The following TENM4 variants were observed in gnomAD, a reference collection of about 807,000 sequenced individuals.
The protein encoded by TENM4 is teneurin transmembrane protein 4.
A neutral mutation model predicts 243.3 loss-of-function variants in TENM4; 82 were observed. That is an observed-to-expected ratio of 0.34 (90% CI 0.28 to 0.40). TENM4 has a LOEUF of 0.40. Among genes scored for constraint, TENM4 ranks in the 10% least tolerant of loss-of-function variants. The pLI, the probability that TENM4 is intolerant of heterozygous loss-of-function variation, is 1.00. For missense variants in TENM4, 3,138 were observed against 3,673.3 expected (o/e 0.85, Z 3.77); for synonymous variants, 1,412 against 1,456.3 (o/e 0.97, Z 0.69).
chr11:79,283,482 G>A (rs1856195177), intron 2 of TENM4, among the ~76,000 whole-genome samples: 2 of 152,002 alleles, frequency 1.3e-5, no homozygotes, highest in South Asian at 4.1e-4. Context: ...TATGTCATTA[G>A]ACATGGAAAA....
chr11:78,713,234 C>T (rs948612912), intron 25 of TENM4, among the ~76,000 whole-genome samples: 1 of 152,214 alleles, frequency 6.6e-6, no homozygotes, highest in Admixed American at 6.5e-5. Context: ...TCCCGGTCAG[C>T]AGCATCAACA....
chr11:78,785,528 C>T (rs544550047), intron 16 of TENM4, among the ~76,000 whole-genome samples: 7 of 152,140 alleles, frequency 4.6e-5, no homozygotes, highest in South Asian at 2.1e-4. Flanking sequence ...TTTGAAGTTC[C>T]GTGACCTTAA....
intron 9 of TENM4, among the ~76,000 whole-genome samples, chr11:78,878,172 T>C (rs534182986): frequency 1.3e-5 from 2 of 152,326 alleles, no homozygotes; most frequent in South Asian, 2.1e-4. Context: ...TTCTCCCCTC[T>C]CCATGCCTTG....
At chr11:79,241,586 C>A (rs377481363) in intron 2 of TENM4, among the ~76,000 whole-genome samples, 1 of 152,152 alleles carries the variant, frequency 6.6e-6, no homozygotes, top group Non-Finnish European at 1.5e-5. Flanking sequence ...ATCACAGAGT[C>A]GTCATGGGAA....
chr11:78,669,363 T>C lies in TENM4; in HGVS notation c.6982A>G (p.Asn2328Asp). 1 of 1,613,718 alleles carries C rather than the reference T, an allele frequency of 6.2e-7. No individual in the cohort carries two copies. The highest frequency in any genetic ancestry group is 1.7e-5 in the Admixed American group (1 of 59,998). The change falls in exon 32 of 34, where the codon AAC becomes GAC. Residue 2328 changes from asparagine (N) to aspartate (D), a missense_variant. Transcript: ENST00000278550. The surrounding 1 kb of genome is among the most constrained non-coding windows in gnomAD (Gnocchi z 6.4). ...GAGGTGATCTCAGAGCTGGAGTGGT[T>C]GTACAGGTGGGTGACCTTGGTGGGG... ...TNPTKVTHLYNHSSSEITSLY... is the reference protein window; with the variant it reads ...TNPTKVTHLYDHSSSEITSLY...
At chr11:78,909,935 T>G (rs577544386) in intron 6 of TENM4, among the ~76,000 whole-genome samples, 1 of 152,262 alleles carries the variant, frequency 6.6e-6, no homozygotes, top group African/African-American at 2.4e-5. Flanking sequence ...GAGGAAGATT[T>G]CTGGTGGCCA....
intron 4 of TENM4, among the ~76,000 whole-genome samples, chr11:79,074,904 T>G (rs1431367874): frequency 1.3e-5 from 2 of 152,198 alleles, no homozygotes; most frequent in South Asian, 2.1e-4. Context: ...TGTGCCAGTT[T>G]CTTGCTGTTG....
At chr11:78,911,003 C>T (rs1393393114) in intron 6 of TENM4, among the ~76,000 whole-genome samples, 2 of 152,190 alleles carry the variant, frequency 1.3e-5, no homozygotes, top group African/African-American at 4.8e-5. Flanking sequence ...CATAATATGG[C>T]TATTTCTGCT....
chr11:78,701,398 G>T, intron 28 of TENM4, 128 bp downstream of exon 28: 1 of 1,223,230 alleles, frequency 8.2e-7, no homozygotes, highest in Non-Finnish European at 1.1e-6. Context: ...TGAACATGTA[G>T]AATGTATTAT....
intron 1 of TENM4, among the ~76,000 whole-genome samples, chr11:79,415,593 A>ACAGTGAGTGCTGGGGCTGGGAGT (rs1436478040): frequency 1.3e-5 from 2 of 152,208 alleles, no homozygotes; most frequent in East Asian, 3.9e-4. Flanking sequence ...GCCCAAGGTG[A>ACAGTGAGTGCTGGGGCTGGGAGT]CAGTGAGTGC....
At chr11:78,962,827 G>A (rs1857358924) in intron 6 of TENM4, among the ~76,000 whole-genome samples, 1 of 152,214 alleles carries the variant, frequency 6.6e-6, no homozygotes, top group African/African-American at 2.4e-5. Flanking sequence ...ATTTTATTCC[G>A]ACCTGCCTGG....
chr11:79,313,021 C>A (rs566755620), intron 1 of TENM4, among the ~76,000 whole-genome samples: 10 of 152,324 alleles, frequency 6.6e-5, no homozygotes, highest in African/African-American at 2.4e-4. Context: ...CATCCCTAGT[C>A]ACTGTCAGAA....
At chr11:78,826,922 C>T (rs569044571) in intron 12 of TENM4, among the ~76,000 whole-genome samples, 1 of 152,296 alleles carries the variant, frequency 6.6e-6, no homozygotes, top group South Asian at 2.1e-4. Flanking sequence ...GCTTCCTGCA[C>T]TAATGTCACC....
intron 1 of TENM4, among the ~76,000 whole-genome samples, chr11:79,395,423 G>C (rs912228116): frequency 6.6e-6 from 1 of 152,188 alleles, no homozygotes; most frequent in African/African-American, 2.4e-5. Context: ...AGTCTAGATG[G>C]AGGATACTTT....
At chr11:78,978,612 G>A (rs1210707592) in intron 6 of TENM4, among the ~76,000 whole-genome samples, 1 of 152,022 alleles carries the variant, frequency 6.6e-6, no homozygotes, top group Non-Finnish European at 1.5e-5. Context: ...ATTGTCAAAG[G>A]GGAAGTGGAC....
chr11:79,388,209 C>T (rs1858156957), intron 1 of TENM4, among the ~76,000 whole-genome samples: 1 of 152,164 alleles, frequency 6.6e-6, no homozygotes, highest in South Asian at 2.1e-4. Flanking sequence ...CAGAGCAAGG[C>T]TGGTTCAGAA....
intron 2 of TENM4, among the ~76,000 whole-genome samples, chr11:79,234,854 T>C (rs1276352203): frequency 6.6e-6 from 1 of 152,156 alleles, no homozygotes; most frequent in Non-Finnish European, 1.5e-5. Flanking sequence ...GCAGTGAGCC[T>C]TTTCCCTGGA....
At position 78,684,720 on chromosome 11, in the gene TENM4, C is replaced by T. The variant is rs117313489; in HGVS notation, c.5260+3334G>A. On this transcript the variant is annotated intron_variant, in intron 29 of 33. Transcript: ENST00000278550. ...CAAGCTACCTAACCTCCGAGTGCTT[C>T]TCACTGCCTTCATGCAGAAAACAGA... is the stretch of plus-strand genomic sequence containing the variant. Among the ~76,000 whole-genome samples, 527 of 152,336 alleles carry T rather than the reference C, an allele frequency of 3.5e-3. 2 individuals are homozygous for T. Among genetic ancestry groups the T allele is most frequent in the Admixed American group, 5.7e-3 (87 of 15,310 alleles).
chr11:79,341,986 G>A (rs922536600), intron 1 of TENM4, among the ~76,000 whole-genome samples: 3 of 152,184 alleles, frequency 2.0e-5, no homozygotes, highest in African/African-American at 7.2e-5. Flanking sequence ...TGAGGACAAA[G>A]GAGAATGTGC....
Sources: allele counts gnomAD v4.1 joint callset (sites outside exome capture counted in the v4.1 genomes callset), GRCh38; gene constraint gnomAD v4.1.1; non-coding constraint Gnocchi (gnomAD v3.1); transcripts MANE v1.5; gene names NCBI Gene and HGNC (gene_info 2026-07-23, HGNC 2026-07-21).